Variants in MAGI2 observed in about 807,000 individuals in gnomAD.
MAGI2 encodes membrane associated guanylate kinase, WW and PDZ domain containing 2, also known as membrane-associated guanylate kinase, WW and PDZ domain-containing protein 2.
Under a neutral mutation model 133.3 loss-of-function variants are expected in MAGI2, and 35 were observed. The observed-to-expected ratio is 0.26, with a 90% CI of 0.20 to 0.35. The LOEUF (loss-of-function observed/expected upper bound fraction) is 0.35, where lower values mean the gene tolerates loss of function less well. Ranked by LOEUF, MAGI2 falls within the 10% of genes least tolerant of loss-of-function variation. The pLI, the probability that MAGI2 is intolerant of heterozygous loss-of-function variation, is 1.00. For missense variants in MAGI2, 1,636 were observed against 1,863.4 expected (o/e 0.88, Z 2.25); for synonymous variants, 729 against 710.6 (o/e 1.03, Z -0.41).
chr7:78,651,633 A>G (rs904708891), intron 2 of MAGI2, among the ~76,000 whole-genome samples: 1 of 152,140 alleles, frequency 6.6e-6, no homozygotes, highest in Non-Finnish European at 1.5e-5. Flanking sequence ...CTAAAAGCAG[A>G]ATAGATTATG....
intron 2 of MAGI2, among the ~76,000 whole-genome samples, chr7:78,872,134 A>G (rs1271735418): frequency 6.6e-6 from 1 of 151,794 alleles, no homozygotes; most frequent in African/African-American, 2.4e-5. Flanking sequence ...AATAAAATTC[A>G]AAGGGCAATT....
At chr7:78,263,807 C>CAT (rs1454136955) in intron 9 of MAGI2, among the ~76,000 whole-genome samples, 1 of 152,168 alleles carries the variant, frequency 6.6e-6, no homozygotes, top group African/African-American at 2.4e-5. Flanking sequence ...AACTTTCTAG[C>CAT]ATGACATACG....
chr7:79,107,103 G>T (rs554090383), intron 1 of MAGI2, among the ~76,000 whole-genome samples: 1 of 152,290 alleles, frequency 6.6e-6, no homozygotes, highest in Admixed American at 6.5e-5. Flanking sequence ...TAGGGTTACA[G>T]ATCCCAAAAT....
intron 9 of MAGI2, among the ~76,000 whole-genome samples, chr7:78,336,514 G>A (rs993761248): frequency 2.0e-5 from 3 of 152,172 alleles, no homozygotes; most frequent in Non-Finnish European, 4.4e-5. Context: ...CTTCAGGCCA[G>A]GAGTTTGAGA....
At chr7:79,042,313 T>A (rs2116915993) in intron 1 of MAGI2, among the ~76,000 whole-genome samples, 1 of 152,312 alleles carries the variant, frequency 6.6e-6, no homozygotes, top group Admixed American at 6.5e-5. Context: ...TTGTTGTTGG[T>A]TTAAAGTCTG....
intron 2 of MAGI2, among the ~76,000 whole-genome samples, chr7:78,667,305 A>G (rs1016318122): frequency 6.6e-5 from 10 of 151,524 alleles, no homozygotes; most frequent in African/African-American, 2.2e-4. Context: ...ATTTCATTTC[A>G]AGATTGTCAA....
rs78632304 is a variant in MAGI2, at chr7:78,247,739, T to G, written c.2047+8204A>C. Among the ~76,000 whole-genome samples, 85 of 152,142 alleles carry G rather than the reference T, an allele frequency of 5.6e-4. 1 individual carries two copies. The East Asian group carries it at 0.014, about 25-fold the overall frequency. On this transcript the variant is annotated intron_variant, in intron 10 of 21. Coordinates refer to ENST00000354212, the MANE Select transcript of MAGI2 (RefSeq NM_012301.4). ...AACTTGAAGATAGATCTAGATCTTT[T>G]GAAATTACCCAATCAGAGGGGAAAA...
chr7:78,508,276 G>T (rs1387569369), intron 4 of MAGI2, among the ~76,000 whole-genome samples: 1 of 151,842 alleles, frequency 6.6e-6, no homozygotes, highest in Non-Finnish European at 1.5e-5. Context: ...GAATCTGGGG[G>T]TGGGGGCACA....
intron 7 of MAGI2, chr7:78,358,633 C>T (rs1306400578): frequency 5.3e-6 from 1 of 187,720 alleles, no homozygotes; most frequent in Non-Finnish European, 1.1e-5. Context: ...TTCCTGCTGC[C>T]CTTTAGGTTG....
At chr7:79,005,489 G>T (rs936805731) in intron 2 of MAGI2, among the ~76,000 whole-genome samples, 3 of 152,088 alleles carry the variant, frequency 2.0e-5, no homozygotes, top group African/African-American at 7.2e-5. Context: ...CTCTATTTAA[G>T]AAGTTAATTA....
intron 9 of MAGI2, among the ~76,000 whole-genome samples, chr7:78,285,047 C>T (rs1488031972): frequency 1.3e-5 from 2 of 152,154 alleles, no homozygotes; most frequent in Non-Finnish European, 2.9e-5. Context: ...AATGGTTTAA[C>T]AGCCGGTGAG....
In MAGI2 at chr7:79,324,962, C is replaced by T. The variant is rs1253414088; in HGVS notation, c.301+128058G>A. Among the ~76,000 whole-genome samples, 3 of 151,720 alleles carry T rather than the reference C, an allele frequency of 2.0e-5. No homozygotes were observed. The East Asian group carries it at 5.8e-4, about 29-fold the overall frequency. ...TGCATTTTTCAGCTCTTCCCACATT[C>T]GCACATTATTTCCATCATAACCTCT... On this transcript the variant is annotated intron_variant, in intron 1 of 21. Coordinates refer to ENST00000354212, the MANE Select transcript of MAGI2 (RefSeq NM_012301.4).
intron 2 of MAGI2, among the ~76,000 whole-genome samples, chr7:78,804,762 A>AAACAAACAAAC (rs1563526113): frequency 7.0e-6 from 1 of 142,098 alleles, no homozygotes; most frequent in African/African-American, 2.6e-5. Flanking sequence ...AAAAAAAAAA[A>AAACAAACAAAC]AAAAAAAAAA....
At chr7:78,891,103 T>A (rs1432621530) in intron 2 of MAGI2, among the ~76,000 whole-genome samples, 1 of 152,178 alleles carries the variant, frequency 6.6e-6, no homozygotes, top group Admixed American at 6.5e-5. Context: ...TAAACACCTC[T>A]ATGCAAATAG....
intron 9 of MAGI2, among the ~76,000 whole-genome samples, chr7:78,308,922 G>A (rs902087510): frequency 9.2e-5 from 14 of 152,098 alleles, no homozygotes; most frequent in South Asian, 2.1e-4. Context: ...TACGTGTAAC[G>A]TATTACTATA....
intron 1 of MAGI2, among the ~76,000 whole-genome samples, chr7:79,163,071 G>A (rs532479241): frequency 1.1e-4 from 16 of 152,168 alleles, no homozygotes; most frequent in African/African-American, 3.9e-4. Flanking sequence ...GACTTCTCCT[G>A]TGACAAAACC....
At chr7:78,827,440 T>C (rs1452794243) in intron 2 of MAGI2, among the ~76,000 whole-genome samples, 1 of 127,218 alleles carries the variant, frequency 7.9e-6, no homozygotes, top group Non-Finnish European at 1.8e-5. Flanking sequence ...CACCATTCCA[T>C]GTTAATTTTG....
intron 1 of MAGI2, among the ~76,000 whole-genome samples, chr7:79,036,616 A>G (rs1024845414): frequency 2.0e-5 from 3 of 152,208 alleles, no homozygotes; most frequent in African/African-American, 7.2e-5. Flanking sequence ...TTACACCACT[A>G]CAAACTCTGT....
intron 1 of MAGI2, among the ~76,000 whole-genome samples, chr7:79,449,716 T>C (rs1020746881): frequency 1.2e-4 from 18 of 151,918 alleles, no homozygotes; most frequent in Middle Eastern, 6.8e-3. Context: ...TAAAAAAGAA[T>C]TGGATGTGAC....
Sources: allele counts gnomAD v4.1 joint callset (sites outside exome capture counted in the v4.1 genomes callset), GRCh38; gene constraint gnomAD v4.1.1; transcripts MANE v1.5; gene names NCBI Gene and HGNC (gene_info 2026-07-23, HGNC 2026-07-21).